The following ZNF222 variants were observed in gnomAD, a reference collection of about 807,000 sequenced individuals.
The protein encoded by ZNF222 is zinc finger protein 222.
ZNF222 carries 8 observed loss-of-function variants against 11.6 expected under a neutral mutation model. That is an observed-to-expected ratio of 0.69 (90% confidence interval 0.41 to 1.25). The LOEUF (loss-of-function observed/expected upper bound fraction) is 1.25, where lower values mean the gene tolerates loss of function less well. ZNF222 is among the 50% of genes most tolerant of loss of function. The pLI is 0.01. For missense variants in ZNF222, 483 were observed against 576.1 expected, an observed-to-expected ratio of 0.84 and a Z score of 1.65; for synonymous variants, 171 against 195.6, an observed-to-expected ratio of 0.87 and a Z score of 1.05.
Position 44,027,451 on chromosome 19 carries a change from TG to T in ZNF222, c.226del (p.Val76Ter). 1 of 1,614,106 alleles carries T rather than the reference TG, an allele frequency of 6.2e-7. No homozygotes were observed. Among genetic ancestry groups the T allele is most frequent in the Non-Finnish European group, 8.5e-7 (1 of 1,180,014 alleles). The stretch of plus-strand genomic sequence containing the variant: ...CCACTTCCTAAGGGAAGAAAAGTTT[TG>T]GGTGATGGGGACAACAAGCCAAAGA... ...TFHFLREEKF[W>X]VMGTTSQREG... is the part of the protein sequence containing the mutation. On this transcript the variant is annotated frameshift_variant, in exon 3 of 4. Coordinates refer to ENST00000391960, the MANE Select transcript of ZNF222 (RefSeq NM_001129996.2). LOFTEE classifies it low-confidence loss of function (END_TRUNC).
At chr19:44,028,198 A>T in intron 3 of ZNF222, 1 of 398,832 alleles carries the variant, frequency 2.5e-6, no homozygotes, top group Non-Finnish European at 4.4e-6. Context: ...TTCCTCTTTC[A>T]CCTTTCAGGT....
rs1185703727 is a variant in ZNF222, at chr19:44,025,999, G to T, written c.42+521G>T. 6.2e-7 allele frequency: 1 copy of T among 1,601,572 alleles called. No individual in the cohort carries two copies. Among genetic ancestry groups the T allele is most frequent in the Admixed American group, 1.8e-5 (1 of 56,772 alleles). Reference sequence around the variant, plus strand: ...TATGGGGGACGGCAAAACGGTCAGGGTGTTTCACAGCTTTCTTTTTCCCCA... The same window carrying T: ...TATGGGGGACGGCAAAACGGTCAGGTTGTTTCACAGCTTTCTTTTTCCCCA... On this transcript the variant is annotated intron_variant, in intron 1 of 3. Transcript: ENST00000391960. This position sits in a 1 kb window ranked among gnomAD's most constrained non-coding sequence, Gnocchi z 4.6.
rs201668051 is a variant in ZNF222 at position 44,031,544 on chromosome 19, CTGA to C, written c.263-271_263-269del. Among the ~76,000 whole-genome samples, 748 of 152,242 alleles carry C rather than the reference CTGA, an allele frequency of 4.9e-3. 9 individuals are homozygous for C. Among genetic ancestry groups the C allele is most frequent in the African/African-American group, 0.017 (700 of 41,538 alleles). ...GTTGCCCAGGCTGGAGTGCAATGGC[CTGA>C]TCTTGGCTCACTACAACCTCTGCCT... On this transcript the variant is annotated intron_variant, in intron 3 of 3. Transcript: ENST00000391960.
At chr19:44,028,122 A>T (rs1205541191) in intron 3 of ZNF222, 2 of 399,462 alleles carry the variant, frequency 5.0e-6, no homozygotes, top group Admixed American at 8.8e-5. Context: ...CATCTTCAAA[A>T]GCAGCTACAT....
chr19:44,030,882 C>A (rs1001037153), intron 3 of ZNF222: 1 of 152,168 alleles, frequency 6.6e-6, no homozygotes, highest in African/African-American at 2.4e-5. Flanking sequence ...AGTATCACCC[C>A]CCATGCCCCA....
At position 44,025,388 on chromosome 19, in the gene ZNF222, G is replaced by C; in HGVS notation, c.-49G>C. The C allele has an allele frequency of 6.5e-7, 1 of 1,546,588 alleles. No individual in the cohort carries two copies. The highest frequency in any genetic ancestry group is 1.7e-4 in the Middle Eastern group (1 of 5,988). ...GTAGTTTGAGTCATTTCCACATCTTGCGAGTCCTTCCGAACGAGTCTCCTT... is the reference window on the plus strand; with the variant it reads ...GTAGTTTGAGTCATTTCCACATCTTCCGAGTCCTTCCGAACGAGTCTCCTT... On this transcript the variant is annotated 5_prime_UTR_variant, in exon 1 of 4. Coordinates refer to ENST00000391960, the MANE Select transcript of ZNF222 (RefSeq NM_001129996.2). The surrounding 1 kb of genome is among the most constrained non-coding windows in gnomAD (Gnocchi z 4.6).
chr19:44,026,518 A>G (rs1976365868), intron 1 of ZNF222, among the ~76,000 whole-genome samples: 1 of 142,978 alleles, frequency 7.0e-6, no homozygotes, highest in Non-Finnish European at 1.5e-5. Context: ...AACCTTATCT[A>G]CTATTTTCTT....
At chr19:44,027,966 C>T (rs900558446) in intron 3 of ZNF222, among the ~76,000 whole-genome samples, 2 of 152,182 alleles carry the variant, frequency 1.3e-5, no homozygotes, top group African/African-American at 4.8e-5. Context: ...CTTCTGTAGG[C>T]CTGAAGTCTG....
At chr19:44,027,610 C>G (rs1047319263) in intron 3 of ZNF222, 120 bp downstream of exon 3, 22 of 928,884 alleles carry the variant, frequency 2.4e-5, no homozygotes, top group Non-Finnish European at 3.6e-5. Flanking sequence ...AGCCTTCTCC[C>G]TGCTGATGCC....
rs774076161 is a variant in ZNF222, at chr19:44,032,210, G to T, written c.656G>T (p.Gly219Val). ...GVKCYKCDVC[G>V]KEFSQSSRLQ... ...AAATGCTATAAGTGTGATGTGTGTG[G>T]TAAGGAATTTAGTCAGAGCTCACGT... Residue 219 changes from glycine (G) to valine (V), a missense_variant, in exon 4 of 4, where the codon GGT (glycine) becomes GTT (valine). Coordinates refer to ENST00000391960, the MANE Select transcript of ZNF222 (RefSeq NM_001129996.2). 19 of 1,614,080 alleles carry T rather than the reference G, an allele frequency of 1.2e-5. No individual in the cohort carries two copies. The Admixed American group carries it at 3.0e-4, about 25-fold the overall frequency.
In ZNF222 at chr19:44,032,660, T is replaced by C; in HGVS notation, c.1106T>C (p.Leu369Ser). 6.2e-7 allele frequency: 1 copy of C among 1,613,402 alleles called. No individual in the cohort carries two copies. Among genetic ancestry groups the C allele is most frequent in the African/African-American group, 1.3e-5 (1 of 74,804 alleles). Reference sequence around the variant, plus strand: ...AGCTTCAAATGGTCCTCATATCTTTTGGTCCATCAACGAGTCCACACTGGA... The same window carrying C: ...AGCTTCAAATGGTCCTCATATCTTTCGGTCCATCAACGAGTCCACACTGGA... ...GKSFKWSSYL[L>S]VHQRVHTGEK... The change falls in exon 4 of 4, where the codon TTG becomes TCG. Residue 369 changes from leucine (L) to serine (S), a missense_variant. Coordinates refer to ENST00000391960, the MANE Select transcript of ZNF222 (RefSeq NM_001129996.2).
At position 44,025,575 on chromosome 19, in the gene ZNF222, G is replaced by A; in HGVS notation, c.42+97G>A. On this transcript the variant is annotated intron_variant, in intron 1 of 3. Transcript: ENST00000391960. The surrounding 1 kb of genome is among the most constrained non-coding windows in gnomAD (Gnocchi z 4.6). ...GGTCTCAGGGAGTGGGATTGGCGCG[G>A]CCCGGTGTGCCCTACTTTGACCTCG... 1 of 1,308,918 alleles carries A rather than the reference G, an allele frequency of 7.6e-7. No homozygotes were observed. Among genetic ancestry groups the A allele is most frequent in the South Asian group, 1.5e-5 (1 of 66,258 alleles). The allele number at this position is 1,308,918 out of a possible 1,614,324, so 81.1% of individuals were successfully genotyped here. A position where few individuals can be genotyped will look rare whatever the true frequency, so the allele number is the denominator to read the frequency against.
chr19:44,025,544 T>C lies in ZNF222; in HGVS notation c.42+66T>C, dbSNP rs1177590857. 22 of 1,487,846 alleles carry C rather than the reference T, an allele frequency of 1.5e-5. No homozygotes were observed. In the Admixed American group the frequency reaches 4.8e-4, roughly 33 times the overall value. The allele number at this position is 1,487,846 out of a possible 1,614,324, so 92.2% of individuals were successfully genotyped here. A position where few individuals can be genotyped will look rare whatever the true frequency, so the allele number is the denominator to read the frequency against. On this transcript the variant is annotated intron_variant, in intron 1 of 3. Coordinates refer to ENST00000391960, the MANE Select transcript of ZNF222 (RefSeq NM_001129996.2). This position sits in a 1 kb window ranked among gnomAD's most constrained non-coding sequence, Gnocchi z 4.6. ...TGAGCCTTCTGGCGTCGGGGGGCTC[T>C]GCTAGGGTCTCAGGGAGTGGGATTG... is the stretch of plus-strand genomic sequence containing the variant.
intron 3 of ZNF222, chr19:44,031,008 T>G (rs1410594922): frequency 6.6e-6 from 1 of 152,244 alleles, no homozygotes; most frequent in Non-Finnish European, 1.5e-5. Context: ...TCCTAGAGAT[T>G]ACCTCTCAGA....
chr19:44,028,108 C>T (rs973778312), intron 3 of ZNF222: 11 of 399,426 alleles, frequency 2.8e-5, no homozygotes, highest in African/African-American at 2.1e-4. Context: ...TGTTTCCCTT[C>T]CTCCATCTTC....
At chr19:44,027,242 T>C (rs779954123) in intron 2 of ZNF222, 93 bp downstream of exon 2, 7 of 1,589,670 alleles carry the variant, frequency 4.4e-6, no homozygotes, top group Non-Finnish European at 6.0e-6. Context: ...AGTGAGAACC[T>C]ACATTTCCAG....
chr19:44,026,766 T>C (rs1976381459), intron 1 of ZNF222, among the ~76,000 whole-genome samples: 2 of 152,132 alleles, frequency 1.3e-5, no homozygotes, highest in South Asian at 4.1e-4. Context: ...AGAGATAGCA[T>C]CTCAGTAAAT....
Position 44,032,539 on chromosome 19 carries a change from A to G in ZNF222, c.985A>G (p.Lys329Glu). Reference sequence around the variant, plus strand: ...AGCAGAGAAACTGTACAAATCTGAAAAGTATGGAAGAGGTTTCATTGATAG... The same window carrying G: ...AGCAGAGAAACTGTACAAATCTGAAGAGTATGGAAGAGGTTTCATTGATAG... ...HTAEKLYKSE[K>E]YGRGFIDRLD... Residue 329 changes from lysine to glutamate, a missense_variant, in exon 4 of 4, where the codon AAG becomes GAG. By Grantham distance (56) the Lys-to-Glu change is moderately conservative. Coordinates refer to ENST00000391960, the MANE Select transcript of ZNF222 (RefSeq NM_001129996.2). 1 of 1,614,224 alleles carries G rather than the reference A, an allele frequency of 6.2e-7. No individual in the cohort carries two copies. The highest frequency in any genetic ancestry group is 8.5e-7 in the Non-Finnish European group (1 of 1,180,040).
intron 3 of ZNF222, chr19:44,028,084 C>G: frequency 2.5e-6 from 1 of 399,710 alleles, no homozygotes; most frequent in Non-Finnish European, 4.4e-6. Flanking sequence ...TCACTGTCCA[C>G]ACTCCGTGGC....
Sources: allele counts gnomAD v4.1 joint callset (sites outside exome capture counted in the v4.1 genomes callset), GRCh38; gene constraint gnomAD v4.1.1; non-coding constraint Gnocchi (gnomAD v3.1); transcripts MANE v1.5; gene names NCBI Gene and HGNC (gene_info 2026-07-23, HGNC 2026-07-21).